NOTCH2: variants seen among roughly 807,000 people sequenced by gnomAD.
NOTCH2 encodes the protein neurogenic locus notch homolog protein 2.
NOTCH2 carries 29 observed loss-of-function variants against 235.8 expected under a neutral mutation model. That is an observed-to-expected ratio of 0.12 (90% CI 0.09 to 0.17). The LOEUF is 0.17. NOTCH2 is among the 10% of genes least tolerant of loss of function. The pLI is 1.00. For synonymous variants in NOTCH2, 1,086 were observed against 1,141.5 expected, an observed-to-expected ratio of 0.95 and a Z score of 0.98; for missense variants, 2,285 against 3,150.2, an observed-to-expected ratio of 0.73 and a Z score of 6.57.
At position 119,914,404 on chromosome 1, in the gene NOTCH2, T is replaced by C. The variant is rs760459711; in HGVS notation, c.*902A>G. On this transcript the variant is annotated 3_prime_UTR_variant, in exon 34 of 34. Coordinates refer to ENST00000256646, the MANE Select transcript of NOTCH2 (RefSeq NM_024408.4). Reference sequence around the variant, plus strand: ...GTGGGGAGGGTCATAGTAACTAGACTATCAAGGATAAAACTTTACACTGAC... The same window carrying C: ...GTGGGGAGGGTCATAGTAACTAGACCATCAAGGATAAAACTTTACACTGAC... 8 of 233,084 alleles carry C rather than the reference T, an allele frequency of 3.4e-5. No individual in the cohort carries two copies. Among genetic ancestry groups the C allele is most frequent in the Non-Finnish European group, 5.9e-5 (7 of 118,026 alleles). 14.4% of individuals were successfully genotyped at this position (233,084 alleles called of 1,614,324 possible).
At chr1:119,963,922 C>A in intron 10 of NOTCH2, 115 bp from the exon 11 acceptor site, 1 of 905,598 alleles carries the variant, frequency 1.1e-6, no homozygotes. Flanking sequence ...TCAATTAATA[C>A]TGCAGGTCTT....
rs1553217938 is a variant in NOTCH2 at position 120,069,387 on chromosome 1, G to C, written c.20C>G (p.Ala7Gly). 1.3e-5 allele frequency: 21 copies of C among 1,556,862 alleles called. No individual in the cohort carries two copies. The highest frequency in any genetic ancestry group is 1.8e-5 in the Non-Finnish European group (21 of 1,159,720). MPALRP[A>G]LLWALLALWL... ...GAGCGCCAGCAGCGCCCACAGCAGA[G>C]CGGGGCGCAGGGCGGGCATCTTCTC... The change falls in exon 1 of 34, where the codon GCT becomes GGT. Residue 7 changes from alanine to glycine, a missense_variant. Around this residue, in one of 6 missense-constraint regions of NOTCH2, gnomAD observed 37 missense variants for 31.4 expected, o/e 1.18. Coordinates refer to ENST00000256646, the MANE Select transcript of NOTCH2 (RefSeq NM_024408.4).
intron 2 of NOTCH2, among the ~76,000 whole-genome samples, chr1:120,011,782 C>T (rs587724968): frequency 3.9e-4 from 59 of 151,966 alleles, no homozygotes; most frequent in South Asian, 2.3e-3. Flanking sequence ...TTTGGGAGAC[C>T]GAGGCAGGCA....
chr1:120,038,866 G>A (rs1654424341), intron 1 of NOTCH2, among the ~76,000 whole-genome samples: 1 of 151,762 alleles, frequency 6.6e-6, no homozygotes, highest in South Asian at 2.1e-4. Context: ...CCATTTGTTT[G>A]AATGAAGATA....
chr1:119,945,921 A>G (rs1478771765), intron 17 of NOTCH2, among the ~76,000 whole-genome samples: 1 of 152,098 alleles, frequency 6.6e-6, no homozygotes, highest in Non-Finnish European at 1.5e-5. Context: ...AGAACACTGT[A>G]TGAAAAAAAT....
intron 2 of NOTCH2, among the ~76,000 whole-genome samples, chr1:120,025,565 T>C (rs1278353433): frequency 1.8e-5 from 2 of 109,784 alleles, no homozygotes; most frequent in Admixed American, 1.0e-4. Context: ...TAGTGGGAGA[T>C]AAACTTTAAA....
intron 2 of NOTCH2, among the ~76,000 whole-genome samples, chr1:120,015,366 C>T (rs1186500468): frequency 3.9e-5 from 6 of 152,082 alleles, no homozygotes; most frequent in Non-Finnish European, 8.8e-5. Flanking sequence ...GGGGAGCTGT[C>T]GTTAAGGTAA....
At chr1:119,967,064 T>C (rs1651168125) in intron 8 of NOTCH2, among the ~76,000 whole-genome samples, 8 of 152,196 alleles carry the variant, frequency 5.3e-5, no homozygotes, top group Admixed American at 4.6e-4. Context: ...TCCTATATAA[T>C]TGTGGATAAA....
At position 119,922,362 on chromosome 1, in the gene NOTCH2, C is replaced by T. The variant is rs2101154550; in HGVS notation, c.5087G>A (p.Gly1696Glu). 2 of 1,614,094 alleles carry T rather than the reference C, an allele frequency of 1.2e-6. No homozygotes were observed. Among genetic ancestry groups the T allele is most frequent in the Non-Finnish European group, 8.5e-7 (1 of 1,180,034 alleles). ...VVIILFIILLGVIMAKRKRKH... is the reference protein window; with the variant it reads ...VVIILFIILLEVIMAKRKRKH... Reference sequence around the variant, plus strand: ...ACGCTTTCGTTTTGCCATGATTACCCCCAGCAGAATAATAAACAGAATGAT... The same window carrying T: ...ACGCTTTCGTTTTGCCATGATTACCTCCAGCAGAATAATAAACAGAATGAT... The change falls in exon 28 of 34, where the codon GGG becomes GAG. Residue 1696 changes from glycine to glutamate, a missense_variant. Physicochemically the swap from Gly to Glu is moderately conservative, Grantham distance 98. This residue lies in a region of NOTCH2 where 1,173 missense variants were observed against 1,515.3 expected (regional missense o/e 0.77). Transcript: ENST00000256646.
At chr1:120,064,433 T>C (rs1189436463) in intron 1 of NOTCH2, among the ~76,000 whole-genome samples, 1 of 151,174 alleles carries the variant, frequency 6.6e-6, no homozygotes, top group Non-Finnish European at 1.5e-5. Context: ...ACTGATCCTA[T>C]CTCTTCAAAG....
At chr1:119,981,758 A>C (rs587720795) in intron 5 of NOTCH2, among the ~76,000 whole-genome samples, 1 of 152,290 alleles carries the variant, frequency 6.6e-6, no homozygotes, top group Non-Finnish European at 1.5e-5. Flanking sequence ...ATTTGGGGTG[A>C]GGAGGTAGAA....
intron 5 of NOTCH2, among the ~76,000 whole-genome samples, chr1:119,976,959 A>G (rs922700281): frequency 2.0e-5 from 3 of 152,098 alleles, no homozygotes; most frequent in East Asian, 3.9e-4. Flanking sequence ...AGTTCTGCCT[A>G]TTAATATGCT....
chr1:119,941,384 G>A (rs1030517186), intron 18 of NOTCH2, 142 bp downstream of exon 18: 63 of 706,530 alleles, frequency 8.9e-5, no homozygotes, highest in African/African-American at 5.8e-4. Context: ...ACCAGTAACC[G>A]GGCAATAGGA....
In NOTCH2 at chr1:119,915,947, C is replaced by T. The variant is rs1054703109; in HGVS notation, c.6775G>A (p.Val2259Met). 4.3e-6 allele frequency: 7 copies of T among 1,614,156 alleles called. No individual in the cohort carries two copies. The highest frequency in any genetic ancestry group is 5.9e-6 in the Non-Finnish European group (7 of 1,180,042). The change falls in exon 34 of 34, where the codon GTG (valine) becomes ATG (methionine). Residue 2259 changes from valine to methionine, a missense_variant. By Grantham distance (21) the Val-to-Met change is conservative. Coordinates refer to ENST00000256646, the MANE Select transcript of NOTCH2 (RefSeq NM_024408.4). The part of the protein sequence containing the change: ...VPADWMNRME[V>M]NETQYNEMFG... ...ATCTCATTGTACTGGGTCTCATTCA[C>T]CTCCATGCGGTTCATCCAATCTGCT...
At chr1:120,011,798 C>T (rs1653202567) in intron 2 of NOTCH2, among the ~76,000 whole-genome samples, 1 of 151,904 alleles carries the variant, frequency 6.6e-6, no homozygotes, top group South Asian at 2.1e-4. Context: ...AGGCAGATCA[C>T]CAGGTCAGGA....
At chr1:120,046,028 A>G (rs1654773052) in intron 1 of NOTCH2, among the ~76,000 whole-genome samples, 1 of 152,078 alleles carries the variant, frequency 6.6e-6, no homozygotes. Flanking sequence ...TAATGTATAA[A>G]TATGTATTTA....
chr1:119,988,182 G>A (rs1258892220), intron 4 of NOTCH2, among the ~76,000 whole-genome samples: 1 of 152,138 alleles, frequency 6.6e-6, no homozygotes, highest in Non-Finnish European at 1.5e-5. Flanking sequence ...TTGTGAGTGG[G>A]ACACACATCA....
At position 119,963,674 on chromosome 1, in the gene NOTCH2, A is replaced by G. The variant is rs782668368; in HGVS notation, c.1815T>C (p.Ser605=). 40 of 1,614,042 alleles carry G rather than the reference A, an allele frequency of 2.5e-5. No homozygotes were observed. The highest frequency in any genetic ancestry group is 3.1e-5 in the Non-Finnish European group (36 of 1,180,004). The stretch of plus-strand genomic sequence containing the variant: ...TGCTGTAACATTCATCAATCTGGTC[A>G]CTGCAGATGGCGCCCATGTACCCGG... The part of the protein sequence containing the change: ...CNPGYMGAIC[S]DQIDECYSSP... The change falls in exon 11 of 34, where the codon AGT becomes AGC. Residue 605 remains serine (S), a synonymous_variant. Transcript: ENST00000256646.
chr1:119,983,600 G>A (rs1651899724), intron 5 of NOTCH2, among the ~76,000 whole-genome samples: 1 of 152,176 alleles, frequency 6.6e-6, no homozygotes, highest in Non-Finnish European at 1.5e-5. Flanking sequence ...ATAGCTGTTG[G>A]CAGAACAAAT....
Sources: allele counts gnomAD v4.1 joint callset (sites outside exome capture counted in the v4.1 genomes callset), GRCh38; gene constraint gnomAD v4.1.1; regional missense constraint gnomAD v4.1.1; transcripts MANE v1.5; gene names NCBI Gene and HGNC (gene_info 2026-07-23, HGNC 2026-07-21).